Variants in ACTR3C observed in about 807,000 individuals in gnomAD.
The protein encoded by ACTR3C is actin related protein 3C, also known as actin-related protein 3C.
ACTR3C carries 18 observed loss-of-function variants against 26.3 expected under a neutral mutation model. The observed-to-expected ratio is 0.68, with a 90% CI of 0.47 to 1.01. The LOEUF is 1.01. Ranked by LOEUF, ACTR3C falls within the 50% of genes least tolerant of loss-of-function variation. The pLI is 0.00. For missense variants in ACTR3C, 184 were observed against 250.7 expected (o/e 0.73, Z 1.80); for synonymous variants, 55 against 94.5 (o/e 0.58, Z 2.42).
the ACTR3C span, among the ~76,000 whole-genome samples, chr7:150,094,298 C>G: frequency 6.7e-6 from 1 of 149,616 alleles, no homozygotes; most frequent in African/African-American, 2.5e-5. Flanking sequence ...CCTCTGGACA[C>G]TTAATTTCAC....
the ACTR3C span, among the ~76,000 whole-genome samples, chr7:150,048,645 C>T: frequency 6.6e-6 from 1 of 151,428 alleles, no homozygotes; most frequent in Non-Finnish European, 1.5e-5. Flanking sequence ...CCCCGGGGCG[C>T]CCCAGCCACG....
chr7:150,128,668 C>T, the ACTR3C span, among the ~76,000 whole-genome samples: 1 of 151,478 alleles, frequency 6.6e-6, no homozygotes. Flanking sequence ...ACGCTTCCTT[C>T]ATGAAATCAG....
the ACTR3C span, among the ~76,000 whole-genome samples, chr7:149,981,762 G>T: frequency 5.3e-5 from 8 of 152,232 alleles, no homozygotes; most frequent in South Asian, 1.7e-3. Flanking sequence ...GGGGCAGCCC[G>T]AGAGAGCTGG....
At chr7:150,299,620 T>C (rs1795267534) in intron 1 of ACTR3C, among the ~76,000 whole-genome samples, 4 of 152,038 alleles carry the variant, frequency 2.6e-5, no homozygotes, top group African/African-American at 9.6e-5. Flanking sequence ...ACCCCATCTC[T>C]GCTAAAAATA....
the ACTR3C span, among the ~76,000 whole-genome samples, chr7:150,069,606 A>G: frequency 6.6e-6 from 1 of 152,098 alleles, no homozygotes; most frequent in East Asian, 1.9e-4. Flanking sequence ...GCCAGGGAGG[A>G]TAAGACAGCC....
the ACTR3C span, among the ~76,000 whole-genome samples, chr7:149,966,557 C>T: frequency 6.6e-6 from 1 of 152,170 alleles, no homozygotes; most frequent in African/African-American, 2.4e-5. Context: ...GTGACATAAT[C>T]CTACAGATGA....
At chr7:149,998,744 C>T in the ACTR3C span, among the ~76,000 whole-genome samples, 1 of 150,240 alleles carries the variant, frequency 6.7e-6, no homozygotes, top group East Asian at 2.1e-4. Context: ...CACAGCAGAA[C>T]CATATCAATA....
downstream of ACTR3C, chr7:150,246,629 A>T (rs565582078): frequency 2.6e-5 from 4 of 152,356 alleles, no homozygotes; most frequent in African/African-American, 9.6e-5. Context: ...AAAGACAAGT[A>T]GATGAGTAGA....
the ACTR3C span, among the ~76,000 whole-genome samples, chr7:150,078,509 C>T: frequency 5.3e-4 from 80 of 150,074 alleles, no homozygotes; most frequent in African/African-American, 1.9e-3. Flanking sequence ...CCTTCTGTAG[C>T]CGAATGTAAA....
chr7:150,252,124 C>CTGTG (rs59701305), intron 6 of ACTR3C, among the ~76,000 whole-genome samples: 10 of 147,052 alleles, frequency 6.8e-5, no homozygotes, highest in Middle Eastern at 3.5e-3. Context: ...GTGTATGTGT[C>CTGTG]TGTGTGTGTG....
chr7:150,110,773 G>A, the ACTR3C span, among the ~76,000 whole-genome samples: 1 of 138,264 alleles, frequency 7.2e-6, no homozygotes, highest in Non-Finnish European at 1.6e-5. Flanking sequence ...TGGGGGACTG[G>A]CTCTGGCTGG....
chr7:150,084,676 T>C, the ACTR3C span, among the ~76,000 whole-genome samples: 3 of 152,098 alleles, frequency 2.0e-5, no homozygotes, highest in Admixed American at 6.5e-5. Context: ...AGGGGTCTTA[T>C]AAGGGCCGAG....
chr7:150,180,661 C>T, the ACTR3C span, among the ~76,000 whole-genome samples: 12 of 148,860 alleles, frequency 8.1e-5, no homozygotes, highest in African/African-American at 2.3e-4. Context: ...TACAGGCGCG[C>T]GCCACCACGC....
At chr7:149,888,869 G>T in the ACTR3C span, among the ~76,000 whole-genome samples, 3 of 152,082 alleles carry the variant, frequency 2.0e-5, no homozygotes, top group African/African-American at 7.2e-5. Flanking sequence ...GTAGCCGGAC[G>T]TGGTGGTGAG....
chr7:149,929,118 T>C, the ACTR3C span, among the ~76,000 whole-genome samples: 2 of 152,266 alleles, frequency 1.3e-5, no homozygotes, highest in African/African-American at 4.8e-5. Context: ...ATCACCATAA[T>C]TAGTAATTCA....
chr7:150,067,057 G>T, the ACTR3C span, among the ~76,000 whole-genome samples: 2 of 152,314 alleles, frequency 1.3e-5, no homozygotes, highest in African/African-American at 4.8e-5. Flanking sequence ...AAATATAACT[G>T]CATCAAAGAC....
the ACTR3C span, among the ~76,000 whole-genome samples, chr7:150,195,945 G>T: frequency 6.6e-6 from 1 of 152,154 alleles, no homozygotes; most frequent in East Asian, 1.9e-4. Context: ...CTGACAAAAA[G>T]TCTGCTATAA....
the ACTR3C span, among the ~76,000 whole-genome samples, chr7:149,975,014 T>G: frequency 7.2e-5 from 11 of 152,200 alleles, no homozygotes; most frequent in Non-Finnish European, 1.0e-4. Context: ...GACACTGGCA[T>G]GCTCTGGCGG....
At chr7:150,043,483 C>G in the ACTR3C span, among the ~76,000 whole-genome samples, 1 of 152,222 alleles carries the variant, frequency 6.6e-6, no homozygotes, top group South Asian at 2.1e-4. Flanking sequence ...TGCCAAGGCC[C>G]TCAAACAGGG....
Sources: allele counts gnomAD v4.1 joint callset (sites outside exome capture counted in the v4.1 genomes callset), GRCh38; gene constraint gnomAD v4.1.1; transcripts MANE v1.5; gene names NCBI Gene and HGNC (gene_info 2026-07-23, HGNC 2026-07-21).